Variants in SOCS2 observed in about 807,000 individuals in gnomAD.
SOCS2 encodes suppressor of cytokine signaling 2.
In SOCS2, 10 loss-of-function variants were observed where a neutral mutation model predicts 18.6. The observed-to-expected ratio is 0.54, with a 90% confidence interval of 0.33 to 0.91. SOCS2 has a LOEUF of 0.91. Among genes scored for constraint, SOCS2 ranks in the 40% least tolerant of loss-of-function variants. The probability of loss-of-function intolerance (pLI) is 0.02; values close to 1 mark genes in which losing one functional copy is unlikely to be tolerated. For missense variants in SOCS2, 231 were observed against 247.2 expected, an observed-to-expected ratio of 0.93 and a Z score of 0.44; for synonymous variants, 104 against 104.0, an observed-to-expected ratio of 1.00 and a Z score of 0.00.
At chr12:93,603,970 A>G in the SOCS2 span, among the ~76,000 whole-genome samples, 1 of 152,216 alleles carries the variant, frequency 6.6e-6, no homozygotes, top group Non-Finnish European at 1.5e-5. Flanking sequence ...CTTCATGTAA[A>G]TGGCATATGG....
chr12:93,571,917 A>C (rs1954270099), upstream of SOCS2: 1 of 424,298 alleles, frequency 2.4e-6, no homozygotes, highest in Admixed American at 2.5e-5. Context: ...AGGTCGAGGT[A>C]AGAGCGCGGC....
downstream of SOCS2, among the ~76,000 whole-genome samples, chr12:93,580,007 C>T (rs1307495331): frequency 6.6e-6 from 1 of 152,204 alleles, no homozygotes; most frequent in Non-Finnish European, 1.5e-5. Context: ...ATTCACGTGG[C>T]TTTGCCTCTC....
the SOCS2 span, among the ~76,000 whole-genome samples, chr12:93,618,851 A>G: frequency 6.6e-6 from 1 of 152,238 alleles, no homozygotes; most frequent in Non-Finnish European, 1.5e-5. Context: ...GGTTTGTATC[A>G]GTCAGGGTAC....
downstream of SOCS2, among the ~76,000 whole-genome samples, chr12:93,588,229 C>A (rs1405033142): frequency 1.3e-5 from 2 of 152,146 alleles, no homozygotes; most frequent in Non-Finnish European, 1.5e-5. Flanking sequence ...GCTCTGATAG[C>A]ATATTACAGT....
At chr12:93,571,256 G>A (rs41475949), upstream of SOCS2, 2,574 of 152,470 alleles carry the variant, frequency 0.017, 28 homozygotes, top group Non-Finnish European at 0.025. Context: ...CCGCCCCGAG[G>A]AGAGTTACCG....
the SOCS2 span, among the ~76,000 whole-genome samples, chr12:93,591,074 G>A: frequency 2.0e-5 from 3 of 151,682 alleles, no homozygotes; most frequent in Admixed American, 2.0e-4. Context: ...TTTTTTTAAC[G>A]CTTTATTGAA....
the SOCS2 span, among the ~76,000 whole-genome samples, chr12:93,620,150 T>C: frequency 6.6e-6 from 1 of 150,652 alleles, no homozygotes; most frequent in Non-Finnish European, 1.5e-5. Context: ...TCTTTTTTTG[T>C]TTAAGAAAAA....
the SOCS2 span, among the ~76,000 whole-genome samples, chr12:93,624,098 T>G: frequency 0.092 from 13,996 of 152,226 alleles, 1,459 homozygotes; most frequent in African/African-American, 0.26. Flanking sequence ...TGAATGGGAT[T>G]AGCCGCCTTG....
chr12:93,609,609 A>G, the SOCS2 span, among the ~76,000 whole-genome samples: 2 of 151,974 alleles, frequency 1.3e-5, no homozygotes, highest in Non-Finnish European at 2.9e-5. Flanking sequence ...ATTTGTAACT[A>G]TGGGAATAAA....
downstream of SOCS2, among the ~76,000 whole-genome samples, chr12:93,578,753 A>G (rs903508383): frequency 6.6e-6 from 1 of 151,950 alleles, no homozygotes; most frequent in African/African-American, 2.4e-5. Flanking sequence ...TCAGGATTCA[A>G]ACGCAGATAT....
At chr12:93,582,037 T>C (rs927034651) in intron 1 of SOCS2, among the ~76,000 whole-genome samples, 1 of 152,236 alleles carries the variant, frequency 6.6e-6, no homozygotes, top group Non-Finnish European at 1.5e-5. Flanking sequence ...GAGCTGTAAT[T>C]ACATGAATAA....
intron 1 of SOCS2, 120 bp downstream of exon 1, chr12:93,573,156 G>A (rs1189032916): frequency 7.5e-7 from 1 of 1,330,452 alleles, no homozygotes; most frequent in Non-Finnish European, 1.0e-6. Flanking sequence ...TTGCTTCCAA[G>A]GGACCGCGGA....
Position 93,574,779 on chromosome 12 carries a change from C to T in SOCS2, c.197C>T (p.Pro66Leu). The T allele has an allele frequency of 6.2e-7, 1 of 1,614,058 alleles. No individual in the cohort carries two copies. Among genetic ancestry groups the T allele is most frequent in the Non-Finnish European group, 8.5e-7 (1 of 1,180,000 alleles). Residue 66 changes from proline (P) to leucine (L), a missense_variant, in exon 2 of 2, where the codon CCA becomes CTA. This residue lies in a region of SOCS2 where 106 missense variants were observed against 103.8 expected (regional missense o/e 1.02). Transcript: ENST00000551556. The part of the protein sequence containing the change: ...NEAKEKLKEA[P>L]EGTFLIRDSS... ...GCCAAAGAGAAATTAAAAGAGGCAC[C>T]AGAAGGAACTTTCTTGATTAGAGAT...
In SOCS2 at chr12:93,572,792, G is replaced by A. The variant is rs557928135; in HGVS notation, c.-106G>A. The A allele has an allele frequency of 7.0e-7, 1 of 1,431,408 alleles. No homozygotes were observed. The highest frequency in any genetic ancestry group is 9.6e-7 in the Non-Finnish European group (1 of 1,042,900). The allele number at this position is 1,431,408 out of a possible 1,614,324, so 88.7% of individuals were successfully genotyped here. On this transcript the variant is annotated 5_prime_UTR_variant, in exon 1 of 2. Coordinates refer to ENST00000551556, the MANE Select transcript of SOCS2 (RefSeq NM_001270471.2). The surrounding 1 kb of genome is among the most constrained non-coding windows in gnomAD (Gnocchi z 5.0). ...TCTCTGCCACCATTTCGGACACCCC[G>A]CAGGGACTCGTTTTGGGATTCGCAC...
In SOCS2 at chr12:93,574,770, A is replaced by C; in HGVS notation, c.188A>C (p.Lys63Thr). 1 of 1,614,102 alleles carries C rather than the reference A, an allele frequency of 6.2e-7. No individual in the cohort carries two copies. The highest frequency in any genetic ancestry group is 8.5e-7 in the Non-Finnish European group (1 of 1,179,990). The change falls in exon 2 of 2, where the codon AAA becomes ACA. Residue 63 changes from lysine (K) to threonine (T), a missense_variant. Lys to Thr is a moderately conservative substitution (Grantham distance 78). Transcript: ENST00000551556. ...GTTAATGAAGCCAAAGAGAAATTAA[A>C]AGAGGCACCAGAAGGAACTTTCTTG... Reference protein sequence around the residue: ...MTVNEAKEKLKEAPEGTFLIR... With the variant: ...MTVNEAKEKLTEAPEGTFLIR...
chr12:93,584,874 C>T (rs187177303), downstream of SOCS2, among the ~76,000 whole-genome samples: 40 of 152,032 alleles, frequency 2.6e-4, no homozygotes, highest in African/African-American at 8.0e-4. Context: ...GTGATTCTCT[C>T]GCCTCAGCCT....
At chr12:93,608,135 T>C in the SOCS2 span, among the ~76,000 whole-genome samples, 5,093 of 151,512 alleles carry the variant, frequency 0.034, 237 homozygotes, top group African/African-American at 0.1. Context: ...TCAAACTCCA[T>C]GTGCCAACAT....
chr12:93,603,383 C>T, the SOCS2 span, among the ~76,000 whole-genome samples: 8 of 152,126 alleles, frequency 5.3e-5, no homozygotes, highest in Non-Finnish European at 1.2e-4. Flanking sequence ...AAGGTTAGGC[C>T]CTCTGCCTCA....
the SOCS2 span, among the ~76,000 whole-genome samples, chr12:93,592,966 T>C: frequency 1.3e-5 from 2 of 150,768 alleles, no homozygotes; most frequent in South Asian, 2.1e-4. Flanking sequence ...CATCTTCAAT[T>C]AGTTCTGTTC....
Sources: gnomAD v4.1 joint callset for allele counts (sites outside exome capture counted in the v4.1 genomes callset) on GRCh38, gnomAD v4.1.1 for gene constraint, gnomAD v4.1.1 regional missense constraint, Gnocchi (gnomAD v3.1) non-coding constraint, MANE v1.5 for transcripts, NCBI Gene and HGNC (gene_info 2026-07-23, HGNC 2026-07-21) for gene names.